FUT8: variants seen among roughly 807,000 people sequenced by gnomAD.
The protein encoded by FUT8 is fucosyltransferase 8.
A neutral mutation model predicts 71.3 loss-of-function variants in FUT8; 29 were observed. That is an observed-to-expected ratio of 0.41 (90% confidence interval 0.30 to 0.55). The LOEUF (loss-of-function observed/expected upper bound fraction) is 0.55. Ranked by LOEUF, FUT8 falls within the 20% of genes least tolerant of loss-of-function variation. The pLI, the probability that FUT8 is intolerant of heterozygous loss-of-function variation, is 0.34. For missense variants in FUT8, 544 were observed against 702.1 expected (o/e 0.77, Z 2.55); for synonymous variants, 254 against 239.3 (o/e 1.06, Z -0.57).
chr14:65,668,682 A>G (rs182920138), intron 6 of FUT8, among the ~76,000 whole-genome samples: 193 of 152,330 alleles, frequency 1.3e-3, no homozygotes, highest in Non-Finnish European at 2.2e-3. Context: ...TTTTGGGTAT[A>G]TAACCAAAGG....
chr14:65,630,279 A>G (rs1890114758), intron 6 of FUT8, among the ~76,000 whole-genome samples: 1 of 152,234 alleles, frequency 6.6e-6, no homozygotes, highest in African/African-American at 2.4e-5. Flanking sequence ...TATAACAAAT[A>G]GAAAGTATTG....
chr14:65,595,786 T>A (rs562815911), intron 3 of FUT8, among the ~76,000 whole-genome samples: 2 of 152,156 alleles, frequency 1.3e-5, no homozygotes, highest in South Asian at 4.2e-4. Flanking sequence ...TTTTTTTGTA[T>A]TTTTAGTAGA....
intron 6 of FUT8, among the ~76,000 whole-genome samples, chr14:65,646,312 GA>G (rs1189575952): frequency 1.3e-5 from 2 of 152,164 alleles, no homozygotes; most frequent in African/African-American, 4.8e-5. Context: ...TAAGAAACCT[GA>G]AATAGAGAAA....
intron 7 of FUT8, among the ~76,000 whole-genome samples, chr14:65,712,866 A>AT (rs1046171086): frequency 6.6e-6 from 1 of 152,232 alleles, no homozygotes; most frequent in African/African-American, 2.4e-5. Context: ...ATCAGGGTAA[A>AT]TGGGGTATCC....
upstream of FUT8, chr14:65,411,755 G>A (rs531159112): frequency 1.8e-4 from 58 of 324,852 alleles, 2 homozygotes; most frequent in African/African-American, 1.2e-3. Flanking sequence ...AAGGCTACAG[G>A]GAAGAGTTTG....
intron 10 of FUT8, 72 bp from the exon 11 acceptor site, chr14:65,742,021 G>GC: frequency 7.6e-7 from 1 of 1,310,950 alleles, no homozygotes; most frequent in East Asian, 2.3e-5. Flanking sequence ...CATCCTTTTG[G>GC]CCAAGGGCTT....
the FUT8 span, among the ~76,000 whole-genome samples, chr14:65,394,332 C>T: frequency 1.3e-5 from 2 of 152,094 alleles, no homozygotes; most frequent in Admixed American, 6.5e-5. Context: ...TGGGGGAAAC[C>T]ACCACTATGA....
At chr14:65,628,805 C>T (rs1235217719) in intron 5 of FUT8, among the ~76,000 whole-genome samples, 1 of 152,082 alleles carries the variant, frequency 6.6e-6, no homozygotes, top group East Asian at 1.9e-4. Flanking sequence ...TAGTTTAGAC[C>T]AGGACTCAGC....
intron 10 of FUT8, among the ~76,000 whole-genome samples, chr14:65,740,712 G>A (rs968262637): frequency 6.6e-6 from 1 of 151,886 alleles, no homozygotes; most frequent in Non-Finnish European, 1.5e-5. Context: ...CAGATCTCAC[G>A]AGAACTCACT....
At chr14:65,508,857 ATTTTCTT>A (rs1176453551) in intron 2 of FUT8, among the ~76,000 whole-genome samples, 1 of 151,640 alleles carries the variant, frequency 6.6e-6, no homozygotes, top group African/African-American at 2.4e-5. Context: ...GTTTGCAAAT[ATTTTCTT>A]CCATTCTGTG....
At chr14:65,734,013 A>T (rs1896103237) in intron 10 of FUT8, among the ~76,000 whole-genome samples, 1 of 152,192 alleles carries the variant, frequency 6.6e-6, no homozygotes, top group Non-Finnish European at 1.5e-5. Context: ...GAATATCAGG[A>T]TAACAATATT....
Position 65,486,593 on chromosome 14 carries a change from G to A in FUT8, c.-228+30875G>A, listed in dbSNP as rs1431871592. ...CAAGATAGAGGGGGCTCAGAAGAAT[G>A]CATTTGTTTCTTATAGATGGTAGCT... is the stretch of plus-strand genomic sequence containing the variant. On this transcript the variant is annotated intron_variant, in intron 2 of 10. Transcript: ENST00000673929. Among the ~76,000 whole-genome samples the A allele has an allele frequency of 2.0e-5, 3 of 152,336 alleles. No homozygotes were observed. In the South Asian group the frequency reaches 6.2e-4, roughly 32 times the overall value.
chr14:65,520,796 T>C (rs566588979), intron 2 of FUT8, among the ~76,000 whole-genome samples: 2 of 152,228 alleles, frequency 1.3e-5, no homozygotes, highest in African/African-American at 4.8e-5. Flanking sequence ...ACAAGTTTTA[T>C]TTTTCAGACC....
At chr14:65,471,102 A>AG (rs1297923974) in intron 2 of FUT8, 1 of 463,782 alleles carries the variant, frequency 2.2e-6, no homozygotes, top group Admixed American at 2.4e-5. Context: ...TGTGGTGGTA[A>AG]GGGTAGAGGG....
At chr14:65,702,345 C>A (rs370553344) in intron 7 of FUT8, among the ~76,000 whole-genome samples, 154 of 134,842 alleles carry the variant, frequency 1.1e-3, no homozygotes, top group South Asian at 1.7e-3. Context: ...AACTCCATCT[C>A]AAAAAAAAAA....
chr14:65,524,248 T>C (rs952333311), intron 2 of FUT8, among the ~76,000 whole-genome samples: 3 of 152,218 alleles, frequency 2.0e-5, no homozygotes, highest in African/African-American at 7.2e-5. Context: ...TTTTATTTCA[T>C]TGAGCAGTGG....
chr14:65,724,704 A>T (rs951616870), intron 9 of FUT8, among the ~76,000 whole-genome samples: 6 of 152,210 alleles, frequency 3.9e-5, no homozygotes, highest in Non-Finnish European at 5.9e-5. Context: ...CCCAGGTCTG[A>T]GGCTGGGAAA....
the FUT8 span, among the ~76,000 whole-genome samples, chr14:65,378,837 GTTTTTTT>G: frequency 1.5e-5 from 1 of 66,830 alleles, no homozygotes; most frequent in Non-Finnish European, 2.7e-5. Flanking sequence ...TCACAAGAAG[GTTTTTTT>G]TTTTTTTTTT....
the FUT8 span, among the ~76,000 whole-genome samples, chr14:65,374,137 G>T: frequency 6.6e-6 from 1 of 152,006 alleles, no homozygotes; most frequent in Non-Finnish European, 1.5e-5. Context: ...TCTTAATATT[G>T]TTTATTTCTC....
Sources: allele counts gnomAD v4.1 joint callset (sites outside exome capture counted in the v4.1 genomes callset), GRCh38; gene constraint gnomAD v4.1.1; transcripts MANE v1.5; gene names NCBI Gene and HGNC (gene_info 2026-07-23, HGNC 2026-07-21).